FARP1: variants seen among roughly 807,000 people sequenced by gnomAD.
The protein encoded by FARP1 is FERM, ARHGEF and pleckstrin domain-containing protein 1.
A neutral mutation model predicts 128.8 loss-of-function variants in FARP1; 52 were observed. The observed-to-expected ratio is 0.40, with a 90% CI of 0.32 to 0.51. The LOEUF (loss-of-function observed/expected upper bound fraction) is 0.51. FARP1 is among the 20% of genes least tolerant of loss of function. The pLI is 0.45. For synonymous variants in FARP1, 580 were observed against 551.8 expected (o/e 1.05, Z -0.72); for missense variants, 1,333 against 1,367.9 (o/e 0.97, Z 0.40).
rs569806172 is a variant in FARP1 at position 98,232,613 on chromosome 13, ACT to A, written c.171+19201_171+19202del. 9.7e-4 allele frequency among the ~76,000 whole-genome samples: 148 copies of A among 152,332 alleles called. 1 individual carries two copies. Among genetic ancestry groups the A allele is most frequent in the African/African-American group, 3.4e-3 (142 of 41,564 alleles). ...AATAAAGTATTTTTAAGGTATGCAC[ACT>A]GTTTTTAAAGACATGCTGTTGCACA... On this transcript the variant is annotated intron_variant, in intron 2 of 26. Coordinates refer to ENST00000319562, the MANE Select transcript of FARP1 (RefSeq NM_005766.4).
intron 2 of FARP1, among the ~76,000 whole-genome samples, chr13:98,217,415 G>A (rs899916159): frequency 6.6e-6 from 1 of 152,172 alleles, no homozygotes; most frequent in Admixed American, 6.5e-5. Context: ...GAGAGCAGGG[G>A]CAGGAGTTAG....
chr13:98,397,364 G>A (rs1890588827), intron 13 of FARP1: 1 of 152,352 alleles, frequency 6.6e-6, no homozygotes, highest in African/African-American at 2.4e-5. Context: ...CGCAGAGAAG[G>A]ACTGTTTTCC....
chr13:98,413,756 A>G (rs1260846182), intron 16 of FARP1, among the ~76,000 whole-genome samples: 1 of 152,210 alleles, frequency 6.6e-6, no homozygotes, highest in Non-Finnish European at 1.5e-5. Context: ...CATCATTCAT[A>G]CAAAGTTGAA....
intron 2 of FARP1, among the ~76,000 whole-genome samples, chr13:98,334,857 G>T (rs928861088): frequency 4.6e-5 from 7 of 152,200 alleles, no homozygotes; most frequent in African/African-American, 1.7e-4. Context: ...CAGAGAACCA[G>T]ATCAGCTCGT....
intron 2 of FARP1, among the ~76,000 whole-genome samples, chr13:98,251,659 A>G (rs1351715633): frequency 1.3e-5 from 2 of 149,836 alleles, no homozygotes; most frequent in Non-Finnish European, 3.0e-5. Flanking sequence ...CTCCAGCCTG[A>G]GTGACAGAGT....
chr13:98,445,651 C>T (rs1203217839), intron 24 of FARP1: 8 of 154,830 alleles, frequency 5.2e-5, no homozygotes, highest in Non-Finnish European at 1.0e-4. Context: ...GCTGGCAATG[C>T]ATGGGGTCCT....
At chr13:98,354,467 C>T (rs1888561903) in intron 3 of FARP1, among the ~76,000 whole-genome samples, 1 of 152,080 alleles carries the variant, frequency 6.6e-6, no homozygotes. Flanking sequence ...CCAATAAGGA[C>T]GTTCTTTAGT....
intron 2 of FARP1, among the ~76,000 whole-genome samples, chr13:98,299,974 A>G (rs1885854822): frequency 6.6e-6 from 1 of 152,224 alleles, no homozygotes; most frequent in South Asian, 2.1e-4. Flanking sequence ...GAAATGCTAC[A>G]GGAGCATTGA....
intron 3 of FARP1, among the ~76,000 whole-genome samples, chr13:98,349,723 T>TA: frequency 7.6e-6 from 1 of 132,124 alleles, no homozygotes; most frequent in East Asian, 2.5e-4. Flanking sequence ...ACTGGCCTGA[T>TA]AAAATCAATT....
At chr13:98,260,857 G>A (rs1883845275) in intron 2 of FARP1, among the ~76,000 whole-genome samples, 1 of 152,192 alleles carries the variant, frequency 6.6e-6, no homozygotes, top group Non-Finnish European at 1.5e-5. Flanking sequence ...CCACAGATAG[G>A]ATACAAAGGC....
intron 2 of FARP1, among the ~76,000 whole-genome samples, chr13:98,274,349 TTGTC>T (rs1012623318): frequency 1.2e-4 from 19 of 152,120 alleles, no homozygotes; most frequent in African/African-American, 4.3e-4. Context: ...CGGTTTCTCT[TTGTC>T]TGAAATGCTG....
chr13:98,321,062 C>T (rs1886973583), intron 2 of FARP1, among the ~76,000 whole-genome samples: 1 of 152,150 alleles, frequency 6.6e-6, no homozygotes, highest in African/African-American at 2.4e-5. Flanking sequence ...TTGTCATCAC[C>T]ACCTTTGACG....
intron 23 of FARP1, 91 bp downstream of exon 23, chr13:98,440,326 C>T (rs1486329220): frequency 3.3e-6 from 3 of 912,934 alleles, no homozygotes; most frequent in Admixed American, 3.5e-5. Context: ...TCGGGTAGGC[C>T]TCACATCCGT....
At chr13:98,301,699 A>G (rs1415899975) in intron 2 of FARP1, among the ~76,000 whole-genome samples, 1 of 152,212 alleles carries the variant, frequency 6.6e-6, no homozygotes, top group Non-Finnish European at 1.5e-5. Context: ...TTTGGGGGGA[A>G]ATCAAGTCCC....
At chr13:98,275,864 A>G (rs1884631587) in intron 2 of FARP1, among the ~76,000 whole-genome samples, 1 of 152,232 alleles carries the variant, frequency 6.6e-6, no homozygotes, top group Non-Finnish European at 1.5e-5. Flanking sequence ...TGAGAATCAT[A>G]AAATATTCTT....
chr13:98,308,117 C>A (rs1030142585), intron 2 of FARP1, among the ~76,000 whole-genome samples: 4 of 145,302 alleles, frequency 2.8e-5, no homozygotes, highest in East Asian at 4.0e-4. Context: ...CGGAATTTAT[C>A]CTAGCCTTTT....
chr13:98,252,843 G>A (rs994180377), intron 2 of FARP1, among the ~76,000 whole-genome samples: 1 of 152,180 alleles, frequency 6.6e-6, no homozygotes, highest in Non-Finnish European at 1.5e-5. Context: ...CGGTGATCAT[G>A]TATACTTCAG....
At chr13:98,259,569 G>A (rs1883773527) in intron 2 of FARP1, among the ~76,000 whole-genome samples, 1 of 152,194 alleles carries the variant, frequency 6.6e-6, no homozygotes, top group Admixed American at 6.5e-5. Flanking sequence ...TGGCTGGTGA[G>A]CTGGCACCAT....
chr13:98,326,038 G>A (rs896693459), intron 2 of FARP1, among the ~76,000 whole-genome samples: 11 of 152,200 alleles, frequency 7.2e-5, no homozygotes, highest in African/African-American at 2.4e-4. Flanking sequence ...TTTCTATTGG[G>A]CAATCCCTCA....
Sources: allele counts gnomAD v4.1 joint callset (sites outside exome capture counted in the v4.1 genomes callset), GRCh38; gene constraint gnomAD v4.1.1; transcripts MANE v1.5; gene names NCBI Gene and HGNC (gene_info 2026-07-23, HGNC 2026-07-21).